Variants in KIT observed in about 807,000 individuals in gnomAD.
KIT encodes KIT proto-oncogene, receptor tyrosine kinase.
Under a neutral mutation model 105.7 loss-of-function variants are expected in KIT, and 16 were observed. The ratio of observed to expected loss-of-function variants is 0.15; its 90% CI spans 0.10 to 0.23. The LOEUF is 0.23. Among genes scored for constraint, KIT ranks in the 10% least tolerant of loss-of-function variants. KIT has a pLI of 1.00. For missense variants in KIT, 858 were observed against 1,213.8 expected (o/e 0.71, Z 4.36); for synonymous variants, 438 against 441.1 (o/e 0.99, Z 0.09).
At chr4:54,723,236 A>C (rs1004400119) in intron 7 of KIT, among the ~76,000 whole-genome samples, 1 of 152,046 alleles carries the variant, frequency 6.6e-6, no homozygotes, top group African/African-American at 2.4e-5. Context: ...GAATCCTTTA[A>C]AGTAGATTTT....
At chr4:54,691,155 G>A (rs570384387) in intron 1 of KIT, among the ~76,000 whole-genome samples, 112 of 152,244 alleles carry the variant, frequency 7.4e-4, no homozygotes, top group Middle Eastern at 3.4e-3. Flanking sequence ...TCTGTAGACT[G>A]TTGACATCTG....
intron 1 of KIT, among the ~76,000 whole-genome samples, chr4:54,660,026 C>T (rs933753383): frequency 2.6e-5 from 4 of 152,230 alleles, no homozygotes; most frequent in Non-Finnish European, 5.9e-5. Flanking sequence ...CTCCAGAGTA[C>T]AAGGAGGCAT....
At chr4:54,724,940 CAG>C (rs1722127380) in intron 8 of KIT, among the ~76,000 whole-genome samples, 2 of 152,190 alleles carry the variant, frequency 1.3e-5, no homozygotes, top group South Asian at 2.1e-4. Flanking sequence ...AGAAAGGAAA[CAG>C]GGAATAGCTA....
chr4:54,733,789 T>G (rs1389265654), intron 17 of KIT, among the ~76,000 whole-genome samples: 1 of 152,198 alleles, frequency 6.6e-6, no homozygotes, highest in Non-Finnish European at 1.5e-5. Flanking sequence ...AACTAAGGCA[T>G]GGCATATTTT....
At chr4:54,685,694 C>CT (rs1719264324) in intron 1 of KIT, among the ~76,000 whole-genome samples, 1 of 152,198 alleles carries the variant, frequency 6.6e-6, no homozygotes, top group Non-Finnish European at 1.5e-5. Context: ...TAGCCTCACA[C>CT]CGGCAGCAAT....
At chr4:54,660,054 CT>C (rs1368727750) in intron 1 of KIT, among the ~76,000 whole-genome samples, 4 of 152,134 alleles carry the variant, frequency 2.6e-5, no homozygotes, top group Non-Finnish European at 5.9e-5. Context: ...ATGAAGGATC[CT>C]TTGGGTCCAG....
At chr4:54,671,761 C>CTT (rs1718124301) in intron 1 of KIT, among the ~76,000 whole-genome samples, 1 of 152,072 alleles carries the variant, frequency 6.6e-6, no homozygotes, top group South Asian at 2.1e-4. Context: ...AAGAACTGAA[C>CTT]TTTAAAAAAA....
chr4:54,699,294 T>G (rs1452074652), intron 3 of KIT, among the ~76,000 whole-genome samples: 1 of 152,120 alleles, frequency 6.6e-6, no homozygotes, highest in Non-Finnish European at 1.5e-5. Context: ...TAGTTGTTGG[T>G]CACATCCTCC....
chr4:54,723,936 AT>A (rs1422358455), intron 8 of KIT, among the ~76,000 whole-genome samples: 3 of 152,022 alleles, frequency 2.0e-5, no homozygotes, highest in Admixed American at 1.3e-4. Flanking sequence ...ATCTTTCTGG[AT>A]TTATCATGCA....
chr4:54,733,939 C>T (rs1414520210), intron 17 of KIT, among the ~76,000 whole-genome samples: 1 of 152,150 alleles, frequency 6.6e-6, no homozygotes, highest in Non-Finnish European at 1.5e-5. Flanking sequence ...CCCATTTCTG[C>T]AGTCCAGATT....
At chr4:54,688,012 G>A (rs1166746312) in intron 1 of KIT, among the ~76,000 whole-genome samples, 1 of 152,174 alleles carries the variant, frequency 6.6e-6, no homozygotes. Flanking sequence ...CCCCATAGTA[G>A]AACAGGGACA....
intron 1 of KIT, among the ~76,000 whole-genome samples, chr4:54,675,632 C>T (rs777678583): frequency 2.6e-5 from 4 of 152,204 alleles, no homozygotes; most frequent in African/African-American, 4.8e-5. Context: ...GCAGAATTAA[C>T]TATTGCAGCA....
chr4:54,681,744 A>G (rs1718935795), intron 1 of KIT, among the ~76,000 whole-genome samples: 1 of 152,158 alleles, frequency 6.6e-6, no homozygotes, highest in African/African-American at 2.4e-5. Context: ...AAAGAGTAGT[A>G]TAAAAACAAA....
intron 7 of KIT, among the ~76,000 whole-genome samples, chr4:54,722,825 A>ATG (rs1383376285): frequency 1.4e-5 from 2 of 143,572 alleles, no homozygotes; most frequent in Non-Finnish European, 3.0e-5. Context: ...TTATATATAT[A>ATG]TATGTATTTA....
chr4:54,727,765 T>C (rs898452763), intron 11 of KIT, 58 bp from the exon 12 acceptor site: 1 of 1,398,440 alleles, frequency 7.2e-7, no homozygotes, highest in Non-Finnish European at 1.0e-6. Flanking sequence ...GCACAAATGG[T>C]CCTTCAATTC....
intron 1 of KIT, among the ~76,000 whole-genome samples, chr4:54,694,608 A>C (rs1485755294): frequency 1.3e-5 from 2 of 152,034 alleles, no homozygotes; most frequent in African/African-American, 4.8e-5. Flanking sequence ...TCGAACTCCT[A>C]GGCTCAAGCA....
Position 54,738,914 on chromosome 4 carries a change from T to G in KIT, c.*357T>G, listed in dbSNP as rs916582757. The G allele has an allele frequency of 1.9e-5, 11 of 592,002 alleles. No homozygotes were observed. Among genetic ancestry groups the G allele is most frequent in the African/African-American group, 7.4e-5 (4 of 53,918 alleles). The allele number at this position is 592,002 out of a possible 1,614,324, so 36.7% of individuals were successfully genotyped here. A position where few individuals can be genotyped will look rare whatever the true frequency, so the allele number is the denominator to read the frequency against. Reference sequence around the variant, plus strand: ...AGTTTACCTGAATAAATGGTAGTAATCACAGTTGGCCTTCAGAACCATCCA... The same window carrying G: ...AGTTTACCTGAATAAATGGTAGTAAGCACAGTTGGCCTTCAGAACCATCCA... On this transcript the variant is annotated 3_prime_UTR_variant, in exon 21 of 21. Transcript: ENST00000288135.
chr4:54,738,923 G>A lies in KIT; in HGVS notation c.*366G>A, dbSNP rs1723086913. 1.7e-6 allele frequency: 1 copy of A among 590,174 alleles called. No individual in the cohort carries two copies. Among genetic ancestry groups the A allele is most frequent in the Non-Finnish European group, 3.0e-6 (1 of 333,088 alleles). The allele number at this position is 590,174 out of a possible 1,614,324, so 36.6% of individuals were successfully genotyped here. ...GAATAAATGGTAGTAATCACAGTTGGCCTTCAGAACCATCCATAGTAGTAT... is the reference window on the plus strand; with the variant it reads ...GAATAAATGGTAGTAATCACAGTTGACCTTCAGAACCATCCATAGTAGTAT... On this transcript the variant is annotated 3_prime_UTR_variant, in exon 21 of 21. Transcript: ENST00000288135.
chr4:54,676,416 C>G (rs1027772134), intron 1 of KIT, among the ~76,000 whole-genome samples: 1 of 152,198 alleles, frequency 6.6e-6, no homozygotes, highest in Admixed American at 6.5e-5. Context: ...TTAAAGCCCT[C>G]GTGGATTCTT....
Sources: allele counts gnomAD v4.1 joint callset (sites outside exome capture counted in the v4.1 genomes callset), GRCh38; gene constraint gnomAD v4.1.1; transcripts MANE v1.5; gene names NCBI Gene and HGNC (gene_info 2026-07-23, HGNC 2026-07-21).